The following JCAD variants were observed in gnomAD, a reference collection of about 807,000 sequenced individuals.
JCAD encodes junctional cadherin 5-associated protein.
A neutral mutation model predicts 98.0 loss-of-function variants in JCAD; 40 were observed. That is an observed-to-expected ratio of 0.41 (90% confidence interval 0.32 to 0.53). The LOEUF is 0.53. Ranked by LOEUF, JCAD falls within the 20% of genes least tolerant of loss-of-function variation. The pLI is 0.31. For synonymous variants in JCAD, 691 were observed against 682.3 expected (o/e 1.01, Z -0.20); for missense variants, 1,705 against 1,738.1 (o/e 0.98, Z 0.34).
At chr10:30,047,485 C>T (rs1316213138) in intron 2 of JCAD, 47 bp downstream of exon 2, 1 of 1,572,684 alleles carries the variant, frequency 6.4e-7, no homozygotes, top group Admixed American at 1.9e-5. Flanking sequence ...CACCCACCGC[C>T]AAACTCCTGA....
intron 2 of JCAD, among the ~76,000 whole-genome samples, chr10:30,041,456 C>T (rs576135866): frequency 1.3e-5 from 2 of 152,098 alleles, no homozygotes; most frequent in South Asian, 2.1e-4. Flanking sequence ...TTTGGAAAAC[C>T]CTTATAAGCA....
chr10:30,058,450 G>A (rs1025883067), intron 1 of JCAD, among the ~76,000 whole-genome samples: 7 of 152,196 alleles, frequency 4.6e-5, no homozygotes, highest in Admixed American at 2.6e-4. Flanking sequence ...CCTTAAGCGC[G>A]TGGATGACCA....
At chr10:30,086,797 TAAA>T (rs1326408291) in intron 1 of JCAD, among the ~76,000 whole-genome samples, 1 of 152,210 alleles carries the variant, frequency 6.6e-6, no homozygotes, top group Non-Finnish European at 1.5e-5. Flanking sequence ...CTTTTATAAA[TAAA>T]GAAGTTAGAT....
intron 1 of JCAD, among the ~76,000 whole-genome samples, chr10:30,110,776 C>T (rs1435419211): frequency 6.6e-6 from 1 of 151,950 alleles, no homozygotes; most frequent in South Asian, 2.1e-4. Flanking sequence ...ATATATGGAC[C>T]AGTTGATGTA....
chr10:30,107,042 T>A (rs1379980601), intron 1 of JCAD, among the ~76,000 whole-genome samples: 2 of 152,220 alleles, frequency 1.3e-5, no homozygotes, highest in Non-Finnish European at 2.9e-5. Flanking sequence ...CACTGGAGAA[T>A]TGGGACAGAG....
intron 3 of JCAD, among the ~76,000 whole-genome samples, chr10:30,020,920 A>G (rs1359518844): frequency 1.3e-5 from 2 of 152,188 alleles, no homozygotes; most frequent in Non-Finnish European, 2.9e-5. Flanking sequence ...TAAGCCTCAC[A>G]TTACATAACA....
intron 1 of JCAD, among the ~76,000 whole-genome samples, chr10:30,094,459 AC>A (rs905300802): frequency 2.0e-5 from 3 of 152,124 alleles, no homozygotes; most frequent in African/African-American, 7.2e-5. Context: ...CAAAACAAAA[AC>A]AAAAACCACA....
At chr10:30,087,170 C>T (rs1248161917) in intron 1 of JCAD, among the ~76,000 whole-genome samples, 3 of 152,164 alleles carry the variant, frequency 2.0e-5, no homozygotes, top group Non-Finnish European at 2.9e-5. Context: ...AGGCCAGGCA[C>T]GGTAGCTCAC....
At chr10:30,071,881 A>G (rs140688821) in intron 1 of JCAD, among the ~76,000 whole-genome samples, 91 of 152,296 alleles carry the variant, frequency 6.0e-4, no homozygotes, top group African/African-American at 2.1e-3. Flanking sequence ...ACACTAATAC[A>G]TTATTGCTTT....
At chr10:30,040,552 A>G (rs12261399) in intron 2 of JCAD, among the ~76,000 whole-genome samples, 16,827 of 152,194 alleles carry the variant, frequency 0.11, 2,475 homozygotes, top group African/African-American at 0.34. Context: ...TTTATTCAAC[A>G]AATATTTATG....
rs757551308 is a variant in JCAD, at chr10:30,029,590, C to T, written c.558G>A (p.Leu186=). 17 of 1,614,244 alleles carry T rather than the reference C, an allele frequency of 1.1e-5. No homozygotes were observed. Among genetic ancestry groups the T allele is most frequent in the Middle Eastern group, 1.6e-4 (1 of 6,062 alleles). ...SGPAKWQNVS[L]ESWNQPRKLG... Reference sequence around the variant, plus strand: ...ATTTCCTTGGCTGGTTCCAGCTTTCCAGGCTGACGTTCTGCCACTTGGCAG... The same window carrying T: ...ATTTCCTTGGCTGGTTCCAGCTTTCTAGGCTGACGTTCTGCCACTTGGCAG... Residue 186 remains leucine, a synonymous_variant, in exon 3 of 4, where the codon CTG becomes CTA. Transcript: ENST00000375377.
At chr10:30,089,513 C>CGTGT (rs58665379) in intron 1 of JCAD, among the ~76,000 whole-genome samples, 10,163 of 142,926 alleles carry the variant, frequency 0.071, 746 homozygotes, top group African/African-American at 0.19. Flanking sequence ...ATGCTTCTTC[C>CGTGT]GTGTGTGTGT....
At chr10:30,114,288 G>A (rs1001196189) in intron 1 of JCAD, among the ~76,000 whole-genome samples, 4 of 152,092 alleles carry the variant, frequency 2.6e-5, no homozygotes, top group South Asian at 2.1e-4. Context: ...AACACCAAGG[G>A]TGATATTTAT....
intron 2 of JCAD, among the ~76,000 whole-genome samples, chr10:30,035,869 G>A (rs1031587587): frequency 6.6e-6 from 1 of 152,114 alleles, no homozygotes; most frequent in African/African-American, 2.4e-5. Flanking sequence ...CCGGGTGAAC[G>A]GGACGGAGAT....
intron 1 of JCAD, among the ~76,000 whole-genome samples, chr10:30,092,224 G>GA (rs1407903937): frequency 7.4e-5 from 11 of 148,954 alleles, no homozygotes; most frequent in South Asian, 2.2e-4. Context: ...GGATCCTCTG[G>GA]AAGGAGAAAG....
At chr10:30,041,595 C>T (rs1837243592) in intron 2 of JCAD, among the ~76,000 whole-genome samples, 1 of 152,190 alleles carries the variant, frequency 6.6e-6, no homozygotes, top group South Asian at 2.1e-4. Context: ...CAGACCACCA[C>T]ATCAGAGACT....
chr10:30,035,402 G>A (rs750738446), intron 2 of JCAD, among the ~76,000 whole-genome samples: 15 of 152,144 alleles, frequency 9.9e-5, no homozygotes, highest in Non-Finnish European at 1.6e-4. Context: ...ACTTTGCAAC[G>A]CAGTCCACAT....
chr10:30,106,885 T>G (rs886417210), intron 1 of JCAD, among the ~76,000 whole-genome samples: 29 of 152,220 alleles, frequency 1.9e-4, no homozygotes, highest in African/African-American at 7.0e-4. Context: ...TGGCTGGGCA[T>G]GCCAAGAAGA....
chr10:30,089,976 C>T (rs1838235155), intron 1 of JCAD, among the ~76,000 whole-genome samples: 1 of 152,192 alleles, frequency 6.6e-6, no homozygotes, highest in Non-Finnish European at 1.5e-5. Context: ...TCCATACATT[C>T]CCTGGTTAAC....
Sources: gnomAD v4.1 joint callset for allele counts (sites outside exome capture counted in the v4.1 genomes callset) on GRCh38, gnomAD v4.1.1 for gene constraint, MANE v1.5 for transcripts, NCBI Gene and HGNC (gene_info 2026-07-23, HGNC 2026-07-21) for gene names.